Variants in SOX6 observed in about 807,000 individuals in gnomAD.
SOX6 encodes transcription factor SOX-6.
SOX6 carries 11 observed loss-of-function variants against 97.8 expected under a neutral mutation model. That is an observed-to-expected ratio of 0.11 (90% CI 0.07 to 0.19). The LOEUF (loss-of-function observed/expected upper bound fraction) is 0.19. Ranked by LOEUF, SOX6 falls within the 10% of genes least tolerant of loss-of-function variation. The pLI is 1.00. For synonymous variants in SOX6, 360 were observed against 371.4 expected, an observed-to-expected ratio of 0.97 and a Z score of 0.35; for missense variants, 810 against 1,039.5, an observed-to-expected ratio of 0.78 and a Z score of 3.04.
intron 4 of SOX6, among the ~76,000 whole-genome samples, chr11:16,591,318 C>CATAGATAGATAGATAGACAGATAGATAG (rs557537916): frequency 2.8e-3 from 350 of 123,532 alleles, no homozygotes; most frequent in Non-Finnish European, 4.5e-3. Flanking sequence ...TGGTTAGATA[C>CATAGATAGATAGATAGACAGATAGATAG]ATAGATAGAT....
intron 9 of SOX6, among the ~76,000 whole-genome samples, chr11:16,060,412 T>C (rs1362310575): frequency 1.3e-5 from 2 of 151,898 alleles, no homozygotes; most frequent in African/African-American, 4.8e-5. Context: ...CATTCCATAA[T>C]CCTTTTCAAA....
chr11:16,151,374 T>C (rs187334810), intron 6 of SOX6, among the ~76,000 whole-genome samples: 4 of 152,286 alleles, frequency 2.6e-5, no homozygotes, highest in South Asian at 4.1e-4. Flanking sequence ...TGCTGAGTAA[T>C]ACTTTGAATT....
chr11:16,473,704 AC>A (rs1034312967), intron 1 of SOX6, among the ~76,000 whole-genome samples: 7 of 151,996 alleles, frequency 4.6e-5, no homozygotes, highest in African/African-American at 1.7e-4. Flanking sequence ...GGCATGCACC[AC>A]CACGCCTGGC....
chr11:16,054,567 G>C (rs16932507), intron 10 of SOX6, among the ~76,000 whole-genome samples: 7,606 of 152,130 alleles, frequency 0.05, 629 homozygotes, highest in African/African-American at 0.17. Context: ...TATTTGGGAT[G>C]CACTTTTTTA....
intron 4 of SOX6, among the ~76,000 whole-genome samples, chr11:16,515,185 T>C (rs1406530927): frequency 6.6e-6 from 1 of 151,856 alleles, no homozygotes; most frequent in Non-Finnish European, 1.5e-5. Flanking sequence ...TGTTCCTATT[T>C]CTCCACATCC....
At chr11:16,197,938 A>C (rs781347693) in intron 4 of SOX6, among the ~76,000 whole-genome samples, 3 of 152,218 alleles carry the variant, frequency 2.0e-5, no homozygotes, top group Non-Finnish European at 2.9e-5. Context: ...TTCAACCTAT[A>C]AAAAATAATT....
At chr11:16,401,918 G>A (rs1025699163) in intron 1 of SOX6, among the ~76,000 whole-genome samples, 1 of 151,448 alleles carries the variant, frequency 6.6e-6, no homozygotes, top group South Asian at 2.1e-4. Context: ...ATCATCAAGA[G>A]ATGATGTTTT....
Position 16,142,239 on chromosome 11 carries a change from T to C in SOX6, c.778-30316A>G, listed in dbSNP as rs577871220. ...CCTCCACTGCTGATACCCAGGCAAA[T>C]AGGGTCTGGAGTGGACCTCCAGCAA... On this transcript the variant is annotated intron_variant, in intron 6 of 15. Coordinates refer to ENST00000683767, the MANE Select transcript of SOX6 (RefSeq NM_001367873.1). Among the ~76,000 whole-genome samples, 16 of 152,044 alleles carry C rather than the reference T, an allele frequency of 1.1e-4. No homozygotes were observed. In the South Asian group the frequency reaches 2.1e-3, roughly 20 times the overall value.
intron 1 of SOX6, among the ~76,000 whole-genome samples, chr11:16,342,223 T>C (rs1308252542): frequency 6.6e-6 from 1 of 151,974 alleles, no homozygotes; most frequent in Non-Finnish European, 1.5e-5. Context: ...TAGAATATCA[T>C]TTTATTAAGA....
chr11:16,280,450 C>G (rs1854522200), intron 3 of SOX6, among the ~76,000 whole-genome samples: 1 of 151,646 alleles, frequency 6.6e-6, no homozygotes, highest in Non-Finnish European at 1.5e-5. Flanking sequence ...GAACACACAT[C>G]AGAACCATTC....
chr11:16,311,950 A>ACATAAAC (rs1855614923), intron 3 of SOX6: 1 of 152,196 alleles, frequency 6.6e-6, no homozygotes, highest in African/African-American at 2.4e-5. Context: ...TCAAATATAC[A>ACATAAAC]CATAAACACA....
intron 3 of SOX6, among the ~76,000 whole-genome samples, chr11:16,304,938 A>G (rs1054561142): frequency 3.9e-5 from 6 of 152,270 alleles, no homozygotes; most frequent in African/African-American, 7.2e-5. Flanking sequence ...GATTATATAC[A>G]TATATGTAAA....
intron 3 of SOX6, among the ~76,000 whole-genome samples, chr11:16,247,110 G>A (rs773996165): frequency 1.1e-4 from 17 of 151,916 alleles, no homozygotes; most frequent in South Asian, 2.1e-4. Context: ...ATCTATGTCC[G>A]TGAGTTCATT....
intron 7 of SOX6, among the ~76,000 whole-genome samples, chr11:16,107,409 A>G (rs1296523122): frequency 0.012 from 1,740 of 146,326 alleles, 35 homozygotes; most frequent in African/African-American, 0.041. Flanking sequence ...ATATATGTAT[A>G]TATATATACA....
At chr11:16,105,559 C>A (rs542789638) in intron 7 of SOX6, among the ~76,000 whole-genome samples, 7 of 152,104 alleles carry the variant, frequency 4.6e-5, no homozygotes, top group Admixed American at 3.9e-4. Flanking sequence ...CAGAGCTAGA[C>A]CCTGTTTGTT....
intron 4 of SOX6, among the ~76,000 whole-genome samples, chr11:16,519,471 A>G (rs974854008): frequency 2.0e-5 from 3 of 152,096 alleles, no homozygotes; most frequent in African/African-American, 7.2e-5. Flanking sequence ...GAGTTATTTA[A>G]CTTAGCATAA....
At chr11:16,473,252 C>CTGCAATAAAGCAAATGT (rs1184070342) in intron 1 of SOX6, among the ~76,000 whole-genome samples, 2 of 152,198 alleles carry the variant, frequency 1.3e-5, no homozygotes, top group Admixed American at 1.3e-4. Context: ...GTCCAGACCA[C>CTGCAATAAAGCAAATGT]TGCAATAAAG....
At position 16,562,422 on chromosome 11, in the gene SOX6, T is replaced by C. The variant is rs1053961060; in HGVS notation, n.609+49659A>G. ...ACAGAAAAAAAGTCCCCCAAAAAAGTTTGCTCTCTCTATCCCAAGGACCAG... is the reference window on the plus strand; with the variant it reads ...ACAGAAAAAAAGTCCCCCAAAAAAGCTTGCTCTCTCTATCCCAAGGACCAG... On this transcript the variant is annotated intron_variant and non_coding_transcript_variant, in intron 4 of 5. Coordinates refer to the SOX6 transcript ENST00000524520. Among the ~76,000 whole-genome samples, 5 of 152,112 alleles carry C rather than the reference T, an allele frequency of 3.3e-5. No homozygotes were observed. The East Asian group carries it at 7.7e-4, about 23-fold the overall frequency.
intron 1 of SOX6, among the ~76,000 whole-genome samples, chr11:16,390,801 A>G (rs1858151425): frequency 6.6e-6 from 1 of 152,228 alleles, no homozygotes; most frequent in African/African-American, 2.4e-5. Flanking sequence ...TCAAGGATCT[A>G]GAACCAGAAA....
Sources: allele counts gnomAD v4.1 joint callset (sites outside exome capture counted in the v4.1 genomes callset), GRCh38; gene constraint gnomAD v4.1.1; transcripts MANE v1.5; gene names NCBI Gene and HGNC (gene_info 2026-07-23, HGNC 2026-07-21).